The following KCTD18 variants were observed in gnomAD, a reference collection of about 807,000 sequenced individuals.
KCTD18 encodes the protein potassium channel tetramerization domain containing 18, also known as BTB/POZ domain-containing protein KCTD18.
A neutral mutation model predicts 30.4 loss-of-function variants in KCTD18; 22 were observed. The observed-to-expected ratio is 0.72, with a 90% CI of 0.52 to 1.03. The LOEUF (loss-of-function observed/expected upper bound fraction) is 1.03, where lower values mean the gene tolerates loss of function less well. Among genes scored for constraint, KCTD18 ranks in the 50% least tolerant of loss-of-function variants. KCTD18 has a pLI of 0.00. For missense variants in KCTD18, 529 were observed against 547.6 expected (o/e 0.97, Z 0.34); for synonymous variants, 186 against 209.0 (o/e 0.89, Z 0.95).
At chr2:200,501,425 C>T (rs2088083005) in intron 3 of KCTD18, among the ~76,000 whole-genome samples, 1 of 135,752 alleles carries the variant, frequency 7.4e-6, no homozygotes, top group African/African-American at 2.7e-5. Flanking sequence ...ACAATGAACT[C>T]AAACAAATTT....
Position 200,510,041 on chromosome 2 carries a change from C to CCGGACGCCGCGGGG in KCTD18, c.-503_-490dup, listed in dbSNP as rs1465587050. 1 of 152,122 alleles carries CCGGACGCCGCGGGG rather than the reference C, an allele frequency of 6.6e-6. No individual in the cohort carries two copies. The highest frequency in any genetic ancestry group is 6.5e-5 in the Admixed American group (1 of 15,278). 9.4% of individuals were successfully genotyped at this position (152,122 alleles called of 1,614,324 possible). A position where few individuals can be genotyped will look rare whatever the true frequency, so the allele number is the denominator to read the frequency against. The stretch of plus-strand genomic sequence containing the variant: ...GCCCGCCAGACCCTCGGCGCGGCCG[C>CCGGACGCCGCGGGG]CGGACGCCGCGGGGCGGACGCGGAA... On this transcript the variant is annotated 5_prime_UTR_variant, in exon 1 of 7. Coordinates refer to ENST00000359878, the MANE Select transcript of KCTD18 (RefSeq NM_152387.4).
At position 200,497,758 on chromosome 2, in the gene KCTD18, C is replaced by G; in HGVS notation, c.656G>C (p.Gly219Ala). 3 of 1,605,146 alleles carry G rather than the reference C, an allele frequency of 1.9e-6. No individual in the cohort carries two copies. Among genetic ancestry groups the G allele is most frequent in the Non-Finnish European group, 2.6e-6 (3 of 1,172,366 alleles). ...ATAAAAGAATTGCACTGTACCTTTT[C>G]CTTCCCAAGCATCAAAGGCATCCAT... is the stretch of plus-strand genomic sequence containing the variant. ...KMMDAFDAWE[G>A]KGVSYWRVPH... Residue 219 changes from glycine to alanine, a missense_variant, in exon 5 of 7, where the codon GGA becomes GCA. Gly to Ala is a moderately conservative substitution (Grantham distance 60). Transcript: ENST00000359878.
rs374062102 is a variant in KCTD18 at position 200,506,856 on chromosome 2, C to T, written c.160+1G>A. ...CATGCTTTCAGACTTTAGACATTTA[C>T]CTGACTCATCTGTTTTTAGAGGAAA... is the stretch of plus-strand genomic sequence containing the variant. On this transcript the variant is annotated splice_donor_variant, in intron 2 of 6. Coordinates refer to ENST00000359878, the MANE Select transcript of KCTD18 (RefSeq NM_152387.4). LOFTEE classifies it high-confidence loss of function. The T allele has an allele frequency of 4.3e-6, 7 of 1,613,028 alleles. No individual in the cohort carries two copies. The highest frequency in any genetic ancestry group is 2.7e-5 in the African/African-American group (2 of 74,834).
intron 5 of KCTD18, among the ~76,000 whole-genome samples, chr2:200,495,023 C>T (rs1357466562): frequency 7.1e-6 from 1 of 140,986 alleles, no homozygotes; most frequent in Non-Finnish European, 1.5e-5. Context: ...TGTATGGATA[C>T]ACCACAATTT....
chr2:200,504,949 A>G lies in KCTD18; in HGVS notation c.171T>C (p.Val57=), dbSNP rs1553552071. The G allele has an allele frequency of 1.9e-6, 3 of 1,613,538 alleles. No homozygotes were observed. The South Asian group carries it at 3.3e-5, about 18-fold the overall frequency. The change falls in exon 3 of 7, where the codon GTT becomes GTC. Residue 57 remains valine, a synonymous_variant. Transcript: ENST00000359878. ...PLKTDESGAC[V]IDRDGRLFKY... ...TAAATAGACGTCCATCACGGTCAAT[A>G]ACACAAGCCCCTAGAAAACATTCAG...
intron 2 of KCTD18, among the ~76,000 whole-genome samples, chr2:200,505,184 T>C (rs960992910): frequency 3.3e-5 from 5 of 152,224 alleles, no homozygotes; most frequent in Admixed American, 1.3e-4. Context: ...ATAGGTGATA[T>C]TGTAAAATAG....
At chr2:200,501,098 C>T (rs2088077309) in intron 3 of KCTD18, among the ~76,000 whole-genome samples, 1 of 152,102 alleles carries the variant, frequency 6.6e-6, no homozygotes, top group African/African-American at 2.4e-5. Flanking sequence ...AAAGCTGAAA[C>T]TGGATCCCTT....
rs943971124 is a variant in KCTD18, at chr2:200,509,893, C to T, written c.-341G>A. On this transcript the variant is annotated 5_prime_UTR_variant, in exon 1 of 7. Transcript: ENST00000359878. ...CTGCAGCCCGGGGCGCGCGCGTTAC[C>T]AGCGCGGCCCGTGCCCTTCCTCAGG... is the stretch of plus-strand genomic sequence containing the variant. 1.3e-5 allele frequency: 2 copies of T among 152,024 alleles called. No homozygotes were observed. The highest frequency in any genetic ancestry group is 4.8e-5 in the African/African-American group (2 of 41,418). 9.4% of individuals were successfully genotyped at this position (152,024 alleles called of 1,614,324 possible).
intron 1 of KCTD18, among the ~76,000 whole-genome samples, chr2:200,508,970 T>C (rs1354336172): frequency 6.6e-6 from 1 of 152,238 alleles, no homozygotes; most frequent in East Asian, 1.9e-4. Flanking sequence ...TGCACAATTC[T>C]ACAAATATAC....
At chr2:200,502,069 T>C (rs1462585539) in intron 3 of KCTD18, among the ~76,000 whole-genome samples, 4 of 150,438 alleles carry the variant, frequency 2.7e-5, no homozygotes, top group African/African-American at 9.8e-5. Context: ...TTCTTACTTA[T>C]AGGTGGGAAT....
At chr2:200,509,314 C>G (rs1440316386) in intron 1 of KCTD18, among the ~76,000 whole-genome samples, 1 of 152,102 alleles carries the variant, frequency 6.6e-6, no homozygotes, top group Non-Finnish European at 1.5e-5. Flanking sequence ...CTGCTTCACC[C>G]CACACCGCCT....
chr2:200,509,831 G>C lies in KCTD18; in HGVS notation c.-279C>G, dbSNP rs1280625770. On this transcript the variant is annotated 5_prime_UTR_variant, in exon 1 of 7. Transcript: ENST00000359878. ...CCAGAAAGCCCCGCCACGGTCTTCC[G>C]CGGCCTGGAGACCCCAAATCGGCCC... 1 of 152,118 alleles carries C rather than the reference G, an allele frequency of 6.6e-6. No homozygotes were observed. Among genetic ancestry groups the C allele is most frequent in the African/African-American group, 2.4e-5 (1 of 41,424 alleles). 9.4% of individuals were successfully genotyped at this position (152,118 alleles called of 1,614,324 possible). A position where few individuals can be genotyped will look rare whatever the true frequency, so the allele number is the denominator to read the frequency against.
intron 3 of KCTD18, among the ~76,000 whole-genome samples, chr2:200,500,531 A>T (rs1451094374): frequency 6.6e-6 from 1 of 151,142 alleles, no homozygotes; most frequent in Admixed American, 6.6e-5. Flanking sequence ...CCCATTCACA[A>T]TTGCTTCAAA....
chr2:200,508,817 A>G lies in KCTD18; in HGVS notation c.-76+811T>C, dbSNP rs185577183. 3.2e-4 allele frequency among the ~76,000 whole-genome samples: 49 copies of G among 152,290 alleles called. No homozygotes were observed. The East Asian group carries it at 9.5e-3, about 29-fold the overall frequency. On this transcript the variant is annotated intron_variant, in intron 1 of 6. Coordinates refer to ENST00000359878, the MANE Select transcript of KCTD18 (RefSeq NM_152387.4). ...CTCCAAAGATCCATGTGTGAGAGCC[A>G]CCTCTGAGGCATGGGATGGAACTTG...
chr2:200,499,268 C>T (rs548571418), intron 3 of KCTD18, among the ~76,000 whole-genome samples, 184 bp from the exon 4 acceptor site: 25 of 151,970 alleles, frequency 1.6e-4, no homozygotes, highest in Admixed American at 8.5e-4. Context: ...TTAATTAAAT[C>T]GGGGCAGGAA....
chr2:200,490,026 A>C lies in KCTD18; in HGVS notation c.*74T>G. The C allele has an allele frequency of 2.8e-6, 4 of 1,438,686 alleles. No homozygotes were observed. Among genetic ancestry groups the C allele is most frequent in the Non-Finnish European group, 2.8e-6 (3 of 1,077,302 alleles). 89.1% of individuals were successfully genotyped at this position (1,438,686 alleles called of 1,614,324 possible). On this transcript the variant is annotated 3_prime_UTR_variant, in exon 7 of 7. Transcript: ENST00000359878. ...AGCTTCCCCTCTGCTGCATTAAGAA[A>C]GTGTCACTTCTTTGCGTCGAATGGG...
intron 3 of KCTD18, among the ~76,000 whole-genome samples, chr2:200,501,149 G>C (rs2088078083): frequency 6.6e-6 from 1 of 152,142 alleles, no homozygotes; most frequent in African/African-American, 2.4e-5. Context: ...ATGGATTAAA[G>C]ACTTAAACGT....
chr2:200,503,965 A>T (rs1451336697), intron 3 of KCTD18, among the ~76,000 whole-genome samples: 2 of 152,270 alleles, frequency 1.3e-5, no homozygotes, highest in East Asian at 3.8e-4. Flanking sequence ...ATGCAATTTA[A>T]AATAGAAGCA....
At chr2:200,496,176 A>C (rs1353095374) in intron 5 of KCTD18, 1 of 152,536 alleles carries the variant, frequency 6.6e-6, no homozygotes, top group Non-Finnish European at 1.5e-5. Flanking sequence ...TCGGCCTCCC[A>C]AAGTGCTGGG....
Sources: allele counts gnomAD v4.1 joint callset (sites outside exome capture counted in the v4.1 genomes callset), GRCh38; gene constraint gnomAD v4.1.1; transcripts MANE v1.5; gene names NCBI Gene and HGNC (gene_info 2026-07-23, HGNC 2026-07-21).